The following NANOS3 variants were observed in gnomAD, a reference collection of about 807,000 sequenced individuals.
NANOS3 encodes nanos homolog 3.
A neutral mutation model predicts 13.8 loss-of-function variants in NANOS3; 11 were observed. That is an observed-to-expected ratio of 0.80 (90% confidence interval 0.50 to 1.32). The LOEUF (loss-of-function observed/expected upper bound fraction) is 1.32. NANOS3 is among the 40% of genes most tolerant of loss of function. The pLI, the probability that NANOS3 is intolerant of heterozygous loss-of-function variation, is 0.00. For synonymous variants in NANOS3, 119 were observed against 115.4 expected (o/e 1.03, Z -0.20); for missense variants, 221 against 263.8 (o/e 0.84, Z 1.12).
intron 1 of NANOS3, among the ~76,000 whole-genome samples, chr19:13,870,526 G>A (rs559559104): frequency 6.6e-6 from 1 of 151,056 alleles, no homozygotes; most frequent in Non-Finnish European, 1.5e-5. Context: ...TGCTATGTGT[G>A]GGGGGGTGGG....
chr19:13,877,942 T>G (rs1007827339), intron 1 of NANOS3, among the ~76,000 whole-genome samples, 177 bp downstream of exon 1: 1 of 152,234 alleles, frequency 6.6e-6, no homozygotes, highest in Non-Finnish European at 1.5e-5. Flanking sequence ...CAGGTCTCTT[T>G]CTGTTGCTCA....
In NANOS3 at chr19:13,870,689, T is replaced by A. The variant is rs1384286163; in HGVS notation, n.21+5252T>A. ...TTCAAGCAATTCTCGTGCCTCAGCC[T>A]CCCAAGTAGCTGGGACTACAGGTGT... On this transcript the variant is annotated intron_variant and non_coding_transcript_variant, in intron 1 of 2. Transcript: ENST00000591161. Among the ~76,000 whole-genome samples, 4 of 147,506 alleles carry A rather than the reference T, an allele frequency of 2.7e-5. No homozygotes were observed. The East Asian group carries it at 8.3e-4, about 30-fold the overall frequency.
chr19:13,878,781 G>GT (rs961896974), intron 1 of NANOS3, among the ~76,000 whole-genome samples: 23 of 144,818 alleles, frequency 1.6e-4, no homozygotes, highest in Admixed American at 4.8e-4. Flanking sequence ...TTCCTGGTGT[G>GT]TTTTTTTTTT....
chr19:13,870,377 C>T (rs2145068807), intron 1 of NANOS3, among the ~76,000 whole-genome samples: 1 of 151,962 alleles, frequency 6.6e-6, no homozygotes, highest in South Asian at 2.1e-4. Flanking sequence ...CACCCGGCGC[C>T]CAGCCTTGTT....
chr19:13,863,595 T>C (rs1222730404), upstream of NANOS3, among the ~76,000 whole-genome samples: 1 of 151,438 alleles, frequency 6.6e-6, no homozygotes, highest in Non-Finnish European at 1.5e-5. Context: ...CAGAGCTGAC[T>C]GGCCCCCCCC....
intron 1 of NANOS3, among the ~76,000 whole-genome samples, chr19:13,871,153 T>A (rs1976322099): frequency 6.6e-6 from 1 of 152,082 alleles, no homozygotes; most frequent in African/African-American, 2.4e-5. Flanking sequence ...AGGGCAGGGC[T>A]GCAGACTCCC....
At chr19:13,871,810 T>A (rs1450530661) in intron 1 of NANOS3, among the ~76,000 whole-genome samples, 3 of 148,210 alleles carry the variant, frequency 2.0e-5, no homozygotes, top group Non-Finnish European at 4.5e-5. Context: ...CATAGTGAGA[T>A]CTCATCTCTA....
upstream of NANOS3, chr19:13,874,925 C>G: frequency 3.8e-6 from 2 of 530,232 alleles, no homozygotes; most frequent in South Asian, 2.8e-5. Flanking sequence ...TCATTGTTGT[C>G]GGTGGGTTGT....
At position 13,869,306 on chromosome 19, in the gene NANOS3, G is replaced by T. The variant is rs546976507; in HGVS notation, n.21+3869G>T. 1.1e-3 allele frequency among the ~76,000 whole-genome samples: 169 copies of T among 152,150 alleles called. 2 individuals carry two copies. Among genetic ancestry groups the T allele is most frequent in the Non-Finnish European group, 9.6e-4 (65 of 67,998 alleles). ...TGGGACTACGGGCATGAGCCACCGT[G>T]CCCGGCCTGAATTCTCCTTCAGCTT... is the stretch of plus-strand genomic sequence containing the variant. On this transcript the variant is annotated intron_variant and non_coding_transcript_variant, in intron 1 of 2. Coordinates refer to the NANOS3 transcript ENST00000591161.
chr19:13,871,198 C>G (rs993964264), intron 1 of NANOS3, among the ~76,000 whole-genome samples: 1 of 152,078 alleles, frequency 6.6e-6, no homozygotes, highest in Admixed American at 6.6e-5. Flanking sequence ...TCACGGTCAC[C>G]AGTCACAGAC....
chr19:13,866,415 G>T (rs966918037), intron 1 of NANOS3, among the ~76,000 whole-genome samples: 4 of 151,352 alleles, frequency 2.6e-5, no homozygotes, highest in Non-Finnish European at 5.9e-5. Flanking sequence ...AGCCAGCCAC[G>T]ATTAGATATT....
At chr19:13,876,470 T>C (rs1308586163), upstream of NANOS3, among the ~76,000 whole-genome samples, 2 of 152,194 alleles carry the variant, frequency 1.3e-5, no homozygotes, top group Non-Finnish European at 2.9e-5. Flanking sequence ...CTGGTGCATG[T>C]CTTTATAAAT....
chr19:13,879,632 G>A (rs191882726), intron 1 of NANOS3, among the ~76,000 whole-genome samples: 110 of 152,210 alleles, frequency 7.2e-4, no homozygotes, highest in South Asian at 2.5e-3. Context: ...GGAGGCTGAC[G>A]AGGGAGGATC....
chr19:13,870,961 C>T (rs2145069731), intron 1 of NANOS3, among the ~76,000 whole-genome samples: 1 of 151,968 alleles, frequency 6.6e-6, no homozygotes, highest in Middle Eastern at 3.4e-3. Context: ...CCCAGCTGCA[C>T]TGGGGTCAGG....
At chr19:13,863,726 C>T (rs891764805), upstream of NANOS3, among the ~76,000 whole-genome samples, 3 of 152,140 alleles carry the variant, frequency 2.0e-5, no homozygotes, top group Non-Finnish European at 2.9e-5. Flanking sequence ...TAGACTACAG[C>T]TGGCCCCTCT....
chr19:13,869,801 TAC>T (rs977737081), intron 1 of NANOS3, among the ~76,000 whole-genome samples: 6 of 146,608 alleles, frequency 4.1e-5, no homozygotes, highest in East Asian at 2.0e-4. Flanking sequence ...CGCACACACA[TAC>T]AGTTACATAC....
chr19:13,880,352 A>G (rs1968608291), intron 1 of NANOS3, 90 bp from the exon 2 acceptor site: 4 of 1,246,026 alleles, frequency 3.2e-6, no homozygotes, highest in Non-Finnish European at 4.7e-6. Context: ...CCAGAGGTCC[A>G]GCAGGCCCGG....
upstream of NANOS3, among the ~76,000 whole-genome samples, chr19:13,864,643 T>G (rs528180885): frequency 6.6e-6 from 1 of 152,182 alleles, no homozygotes; most frequent in South Asian, 2.1e-4. Flanking sequence ...GGGGTATATC[T>G]CAGGTCTGTG....
chr19:13,867,026 G>T (rs896454856), intron 1 of NANOS3, among the ~76,000 whole-genome samples: 1 of 152,088 alleles, frequency 6.6e-6, no homozygotes, highest in Non-Finnish European at 1.5e-5. Context: ...GCCGTGGCAC[G>T]ATCTCCCGGA....
Sources: gnomAD v4.1 joint callset for allele counts (sites outside exome capture counted in the v4.1 genomes callset) on GRCh38, gnomAD v4.1.1 for gene constraint, MANE v1.5 for transcripts, NCBI Gene and HGNC (gene_info 2026-07-23, HGNC 2026-07-21) for gene names.